The following STAT4 variants were observed in gnomAD, a reference collection of about 807,000 sequenced individuals.
STAT4 encodes signal transducer and activator of transcription 4.
Under a neutral mutation model 110.5 loss-of-function variants are expected in STAT4, and 42 were observed. The observed-to-expected ratio is 0.38, with a 90% CI of 0.30 to 0.49. The LOEUF (loss-of-function observed/expected upper bound fraction) is 0.49, where lower values mean the gene tolerates loss of function less well. STAT4 is among the 20% of genes least tolerant of loss of function. The pLI, the probability that STAT4 is intolerant of heterozygous loss-of-function variation, is 0.95. For synonymous variants in STAT4, 284 were observed against 302.2 expected, an observed-to-expected ratio of 0.94 and a Z score of 0.63; for missense variants, 632 against 887.9, an observed-to-expected ratio of 0.71 and a Z score of 3.66.
intron 5 of STAT4, among the ~76,000 whole-genome samples, chr2:191,070,441 G>A (rs1294129103): frequency 2.0e-5 from 3 of 152,122 alleles, no homozygotes; most frequent in Non-Finnish European, 2.9e-5. Flanking sequence ...CAGAGGCCAC[G>A]AGATGTGAAG....
At position 191,061,677 on chromosome 2, in the gene STAT4, A is replaced by T; in HGVS notation, c.1034+52T>A. ...TGAGAGAAATTGGCCTTGATCATCC[A>T]GAGACTATAGCTCCACAAACACACG... On this transcript the variant is annotated intron_variant, in intron 10 of 23. Transcript: ENST00000392320. The surrounding 1 kb of genome is among the most constrained non-coding windows in gnomAD (Gnocchi z 6.2). 1 of 1,544,738 alleles carries T rather than the reference A, an allele frequency of 6.5e-7. No individual in the cohort carries two copies. Among genetic ancestry groups the T allele is most frequent in the Non-Finnish European group, 9.0e-7 (1 of 1,117,280 alleles).
intron 3 of STAT4, among the ~76,000 whole-genome samples, chr2:191,093,575 C>A (rs1265810850): frequency 6.6e-6 from 1 of 152,154 alleles, no homozygotes; most frequent in African/African-American, 2.4e-5. Flanking sequence ...ATCAAAACCC[C>A]ATCTATAGGT....
rs1316594438 is a variant in STAT4 at position 191,104,576 on chromosome 2, T to C, written c.274-28251A>G. On this transcript the variant is annotated intron_variant, in intron 3 of 23. Coordinates refer to ENST00000392320, the MANE Select transcript of STAT4 (RefSeq NM_003151.4). This position sits in a 1 kb window ranked among gnomAD's most constrained non-coding sequence, Gnocchi z 4.3. ...AGAAGTCTTTGAAGCTGAAATAAAA[T>C]TGTCAACTTTTGATTTTGCTAAATA... is the stretch of plus-strand genomic sequence containing the variant. 2.0e-5 allele frequency among the ~76,000 whole-genome samples: 3 copies of C among 152,152 alleles called. No individual in the cohort carries two copies. The highest frequency in any genetic ancestry group is 4.8e-5 in the African/African-American group (2 of 41,442).
intron 3 of STAT4, among the ~76,000 whole-genome samples, chr2:191,114,956 T>G (rs377395769): frequency 1.4e-4 from 22 of 152,374 alleles, no homozygotes; most frequent in South Asian, 6.2e-4. Context: ...TTTCCAGAAC[T>G]GATGTACTGA....
intron 3 of STAT4, among the ~76,000 whole-genome samples, chr2:191,093,505 G>A (rs1336188994): frequency 6.6e-6 from 1 of 152,218 alleles, no homozygotes; most frequent in African/African-American, 2.4e-5. Flanking sequence ...ACCTGACTGT[G>A]AGAAGGAAAA....
At chr2:191,103,929 T>C (rs976035479) in intron 3 of STAT4, among the ~76,000 whole-genome samples, 1 of 152,186 alleles carries the variant, frequency 6.6e-6, no homozygotes, top group South Asian at 2.1e-4. Flanking sequence ...CTTATCTACA[T>C]TTATCATCAC....
Position 191,112,680 on chromosome 2 carries a change from G to GTGT in STAT4, c.273+33930_273+33932dup, listed in dbSNP as rs983709394. Among the ~76,000 whole-genome samples the GTGT allele has an allele frequency of 2.0e-5, 3 of 152,162 alleles. No individual in the cohort carries two copies. Among genetic ancestry groups the GTGT allele is most frequent in the African/African-American group, 7.2e-5 (3 of 41,442 alleles). ...ACCTCATTTTTGACAACTTTGTGAG[G>GTGT]TGTTATTATTACTCCATTTCTGCAG... On this transcript the variant is annotated intron_variant, in intron 3 of 23. Coordinates refer to ENST00000392320, the MANE Select transcript of STAT4 (RefSeq NM_003151.4). The surrounding 1 kb of genome is among the most constrained non-coding windows in gnomAD (Gnocchi z 4.3).
At chr2:191,132,880 A>G (rs1444411355) in intron 3 of STAT4, among the ~76,000 whole-genome samples, 1 of 149,844 alleles carries the variant, frequency 6.7e-6, no homozygotes, top group Admixed American at 6.7e-5. Flanking sequence ...TCAGCCTCCC[A>G]AGTAGCTGAG....
intron 3 of STAT4, among the ~76,000 whole-genome samples, chr2:191,131,318 A>T (rs1403709610): frequency 6.6e-6 from 1 of 151,856 alleles, no homozygotes; most frequent in African/African-American, 2.4e-5. Context: ...AAATAACGCA[A>T]ATGCCCATCA....
intron 13 of STAT4, among the ~76,000 whole-genome samples, chr2:191,055,237 C>CA (rs1259790897): frequency 6.6e-6 from 1 of 151,382 alleles, no homozygotes; most frequent in Non-Finnish European, 1.5e-5. Context: ...CTGGTTCTGT[C>CA]ACCCAGGCTG....
At chr2:191,089,646 G>A (rs550157996) in intron 3 of STAT4, among the ~76,000 whole-genome samples, 1 of 152,260 alleles carries the variant, frequency 6.6e-6, no homozygotes, top group South Asian at 2.1e-4. Context: ...GCTGAAATTT[G>A]AAGCAACCAA....
intron 3 of STAT4, among the ~76,000 whole-genome samples, chr2:191,141,306 C>A (rs1041120996): frequency 6.6e-6 from 1 of 151,414 alleles, no homozygotes; most frequent in African/African-American, 2.4e-5. Flanking sequence ...CTCAACATCA[C>A]TAATCAGGAA....
chr2:191,052,432 C>A (rs1015589698), intron 14 of STAT4, among the ~76,000 whole-genome samples: 12 of 152,064 alleles, frequency 7.9e-5, no homozygotes, highest in African/African-American at 1.2e-4. Flanking sequence ...CATTCTGATA[C>A]GACTGTATGA....
At chr2:191,067,886 G>A (rs1223214336) in intron 6 of STAT4, among the ~76,000 whole-genome samples, 1 of 152,096 alleles carries the variant, frequency 6.6e-6, no homozygotes, top group African/African-American at 2.4e-5. Flanking sequence ...TTGTGTAATT[G>A]TGAAAAAGAG....
At chr2:191,067,004 C>T (rs1160971753) in intron 6 of STAT4, among the ~76,000 whole-genome samples, 4 of 151,702 alleles carry the variant, frequency 2.6e-5, no homozygotes. Context: ...GTCTTATCTA[C>T]CTAGTCTCAT....
In STAT4 at chr2:191,150,994, C is replaced by G; in HGVS notation, c.-49G>C. On this transcript the variant is annotated 5_prime_UTR_variant, in exon 1 of 24. Coordinates refer to ENST00000392320, the MANE Select transcript of STAT4 (RefSeq NM_003151.4). This position sits in a 1 kb window ranked among gnomAD's most constrained non-coding sequence, Gnocchi z 6.4. The stretch of plus-strand genomic sequence containing the variant: ...CCCAGGCAGTGCTCAAGTCCAAAGT[C>G]AGAAGCGCCCCTCACAGTCCCTAGG... 1.0e-6 allele frequency: 1 copy of G among 985,692 alleles called. No homozygotes were observed. The highest frequency in any genetic ancestry group is 1.2e-6 in the Non-Finnish European group (1 of 830,066). 61.1% of individuals were successfully genotyped at this position (985,692 alleles called of 1,614,324 possible).
intron 14 of STAT4, chr2:191,041,507 G>A (rs890886801): frequency 3.3e-5 from 5 of 152,234 alleles, no homozygotes; most frequent in African/African-American, 1.2e-4. Context: ...TATATGCATA[G>A]GTATACAGAT....
In STAT4 at chr2:191,142,558, T is replaced by C. The variant is rs565404630; in HGVS notation, c.273+4055A>G. The stretch of plus-strand genomic sequence containing the variant: ...CTAACATTCTATAGCAGGGTTAATA[T>C]AGTTAACAACAATGTAATGTATATT... On this transcript the variant is annotated intron_variant, in intron 3 of 23. Transcript: ENST00000392320. The surrounding 1 kb of genome is among the most constrained non-coding windows in gnomAD (Gnocchi z 4.1). Among the ~76,000 whole-genome samples, 4 of 152,280 alleles carry C rather than the reference T, an allele frequency of 2.6e-5. No individual in the cohort carries two copies. Among genetic ancestry groups the C allele is most frequent in the African/African-American group, 7.2e-5 (3 of 41,552 alleles).
Position 191,147,950 on chromosome 2 carries a change from T to C in STAT4, c.128+126A>G. 1 of 1,331,584 alleles carries C rather than the reference T, an allele frequency of 7.5e-7. No individual in the cohort carries two copies. Among genetic ancestry groups the C allele is most frequent in the Non-Finnish European group, 1.0e-6 (1 of 982,624 alleles). 82.5% of individuals were successfully genotyped at this position (1,331,584 alleles called of 1,614,324 possible). On this transcript the variant is annotated intron_variant, in intron 2 of 23. Coordinates refer to ENST00000392320, the MANE Select transcript of STAT4 (RefSeq NM_003151.4). This position sits in a 1 kb window ranked among gnomAD's most constrained non-coding sequence, Gnocchi z 4.1. Reference sequence around the variant, plus strand: ...TTCTTTGGGAAGGCTTTCAAATCCTTGAGAAAGTTCTTTACCTGAAAAGAA... The same window carrying C: ...TTCTTTGGGAAGGCTTTCAAATCCTCGAGAAAGTTCTTTACCTGAAAAGAA...
Sources: allele counts gnomAD v4.1 joint callset (sites outside exome capture counted in the v4.1 genomes callset), GRCh38; gene constraint gnomAD v4.1.1; non-coding constraint Gnocchi (gnomAD v3.1); transcripts MANE v1.5; gene names NCBI Gene and HGNC (gene_info 2026-07-23, HGNC 2026-07-21).